Variants in FLACC1 observed in about 807,000 individuals in gnomAD.
FLACC1 encodes the protein flagellum-associated coiled-coil domain-containing protein 1.
A neutral mutation model predicts 62.8 loss-of-function variants in FLACC1; 66 were observed. The ratio of observed to expected loss-of-function variants is 1.05; its 90% confidence interval spans 0.86 to 1.29. The LOEUF is 1.29. Ranked by LOEUF, FLACC1 falls within the 50% of genes most tolerant of loss-of-function variation. The pLI is 0.00. For missense variants in FLACC1, 452 were observed against 489.1 expected (o/e 0.92, Z 0.71); for synonymous variants, 156 against 161.0 (o/e 0.97, Z 0.24).
At chr2:201,295,504 A>G (rs1367043927) in intron 12 of FLACC1, among the ~76,000 whole-genome samples, 1 of 152,210 alleles carries the variant, frequency 6.6e-6, no homozygotes, top group African/African-American at 2.4e-5. Context: ...TTATACAAAA[A>G]TTAATTCAAG....
intron 9 of FLACC1, among the ~76,000 whole-genome samples, chr2:201,321,310 C>A (rs1240627078): frequency 6.6e-6 from 1 of 152,112 alleles, no homozygotes; most frequent in Non-Finnish European, 1.5e-5. Flanking sequence ...TCCCCCTGAT[C>A]CTAGGGGAAC....
chr2:201,342,919 C>T (rs1300742468), intron 6 of FLACC1, among the ~76,000 whole-genome samples: 1 of 152,228 alleles, frequency 6.6e-6, no homozygotes, highest in African/African-American at 2.4e-5. Flanking sequence ...GCAGGATTTG[C>T]TCACTTTCAG....
At chr2:201,294,626 C>T (rs1303362406) in intron 12 of FLACC1, among the ~76,000 whole-genome samples, 2 of 152,174 alleles carry the variant, frequency 1.3e-5, no homozygotes, top group Non-Finnish European at 2.9e-5. Context: ...CAGGGATGCC[C>T]TCTCTCACCA....
intron 12 of FLACC1, among the ~76,000 whole-genome samples, chr2:201,297,888 GAATA>G (rs1471049534): frequency 6.6e-6 from 1 of 152,144 alleles, no homozygotes; most frequent in East Asian, 1.9e-4. Context: ...GGTGGCATTT[GAATA>G]AAGAACAGGA....
chr2:201,294,384 T>C (rs946428733), intron 12 of FLACC1, among the ~76,000 whole-genome samples: 2 of 152,302 alleles, frequency 1.3e-5, no homozygotes, highest in South Asian at 4.1e-4. Flanking sequence ...AATCAATAAA[T>C]GTAATCCAGC....
chr2:201,290,914 C>T (rs566398871), intron 12 of FLACC1, among the ~76,000 whole-genome samples: 12 of 152,310 alleles, frequency 7.9e-5, no homozygotes, highest in Admixed American at 3.9e-4. Flanking sequence ...CCTACGCCCA[C>T]GGAGCCTTGC....
At chr2:201,337,612 C>T (rs1950720717) in intron 7 of FLACC1, among the ~76,000 whole-genome samples, 1 of 152,100 alleles carries the variant, frequency 6.6e-6, no homozygotes, top group Admixed American at 6.6e-5. Flanking sequence ...CAGCCTTGAC[C>T]ATCTGGGCTC....
At chr2:201,296,565 TGAC>T (rs1388822645) in intron 12 of FLACC1, among the ~76,000 whole-genome samples, 1 of 151,134 alleles carries the variant, frequency 6.6e-6, no homozygotes, top group East Asian at 2.0e-4. Flanking sequence ...TAATGTTAAA[TGAC>T]GAGTTACTGG....
intron 7 of FLACC1, among the ~76,000 whole-genome samples, chr2:201,332,315 C>T (rs991381945): frequency 2.6e-5 from 4 of 151,824 alleles, no homozygotes; most frequent in African/African-American, 9.7e-5. Flanking sequence ...ATGGCGCAAT[C>T]TCGGCTCACT....
intron 12 of FLACC1, 28 bp downstream of exon 12, chr2:201,299,210 G>C: frequency 6.3e-7 from 1 of 1,599,060 alleles, no homozygotes. Context: ...AATATACCAA[G>C]TCCACAGGAA....
At chr2:201,312,250 T>C (rs1234581424) in intron 9 of FLACC1, among the ~76,000 whole-genome samples, 1 of 152,136 alleles carries the variant, frequency 6.6e-6, no homozygotes, top group Non-Finnish European at 1.5e-5. Context: ...ACAAAATCAA[T>C]GTACAAAAAA....
rs149858712 is a variant in FLACC1, at chr2:201,346,632, C to G, written c.278G>C (p.Arg93Pro). 6.8e-5 allele frequency: 110 copies of G among 1,614,064 alleles called. No homozygotes were observed. The highest frequency in any genetic ancestry group is 8.6e-5 in the Non-Finnish European group (102 of 1,180,048). The change falls in exon 5 of 15, where the codon CGG (arginine) becomes CCG (proline). Residue 93 changes from arginine to proline, a missense_variant. Physicochemically the swap from Arg to Pro is moderately radical, Grantham distance 103 (BLOSUM62 -2). Around this residue, in one of 3 missense-constraint regions of FLACC1, gnomAD observed 147 missense variants for 152.7 expected, o/e 0.96. Transcript: ENST00000392257. The surrounding 1 kb of genome is among the most constrained non-coding windows in gnomAD (Gnocchi z 4.0). ...VSPGYQLVRN[R>P]EQISVTLGDE... ...CCCTAAGGTGACAGAAATCTGTTCC[C>G]GATTCCGAACAAGTTGATAGCCAGG... is the stretch of plus-strand genomic sequence containing the variant.
chr2:201,305,742 T>C (rs1950089310), intron 11 of FLACC1, among the ~76,000 whole-genome samples: 1 of 152,258 alleles, frequency 6.6e-6, no homozygotes, highest in African/African-American at 2.4e-5. Context: ...CACCATGGAA[T>C]ACTATGCAGC....
intron 9 of FLACC1, among the ~76,000 whole-genome samples, chr2:201,310,734 T>C (rs1269570440): frequency 6.6e-6 from 1 of 152,108 alleles, no homozygotes; most frequent in Non-Finnish European, 1.5e-5. Flanking sequence ...CTTAAAAATG[T>C]TCATTCCAAA....
At chr2:201,297,384 A>C (rs1949886706) in intron 12 of FLACC1, among the ~76,000 whole-genome samples, 1 of 152,126 alleles carries the variant, frequency 6.6e-6, no homozygotes. Context: ...AAGCCTCAAA[A>C]TACTCCAGGA....
chr2:201,334,523 C>T (rs1950655010), intron 7 of FLACC1, among the ~76,000 whole-genome samples: 1 of 152,126 alleles, frequency 6.6e-6, no homozygotes, highest in African/African-American at 2.4e-5. Flanking sequence ...TTGGCTCATG[C>T]CTGTAATCTC....
chr2:201,295,957 A>G (rs1300312272), intron 12 of FLACC1, among the ~76,000 whole-genome samples: 2 of 152,188 alleles, frequency 1.3e-5, no homozygotes, highest in Non-Finnish European at 2.9e-5. Context: ...TCAAACCACA[A>G]TGAGATACCA....
chr2:201,355,549 T>C (rs1414431770), intron 1 of FLACC1, among the ~76,000 whole-genome samples: 1 of 151,700 alleles, frequency 6.6e-6, no homozygotes, highest in Non-Finnish European at 1.5e-5. Flanking sequence ...TATATTCTTT[T>C]GCTCTTAAGA....
the FLACC1 span, among the ~76,000 whole-genome samples, chr2:201,364,135 A>G: frequency 6.6e-6 from 1 of 152,136 alleles, no homozygotes; most frequent in Admixed American, 6.5e-5. Flanking sequence ...AGCACCATCT[A>G]CTGGTTTGTA....
Sources: gnomAD v4.1 joint callset for allele counts (sites outside exome capture counted in the v4.1 genomes callset) on GRCh38, gnomAD v4.1.1 for gene constraint, gnomAD v4.1.1 regional missense constraint, Gnocchi (gnomAD v3.1) non-coding constraint, MANE v1.5 for transcripts, NCBI Gene and HGNC (gene_info 2026-07-23, HGNC 2026-07-21) for gene names.